The following PCDH15 variants were observed in gnomAD, a reference collection of about 807,000 sequenced individuals.
The protein encoded by PCDH15 is protocadherin related 15.
A neutral mutation model predicts 178.5 loss-of-function variants in PCDH15; 129 were observed. The observed-to-expected ratio is 0.72, with a 90% confidence interval of 0.63 to 0.84. The LOEUF (loss-of-function observed/expected upper bound fraction) is 0.84. Among genes scored for constraint, PCDH15 ranks in the 40% least tolerant of loss-of-function variants. PCDH15 has a pLI of 0.00. For synonymous variants in PCDH15, 800 were observed against 732.0 expected, an observed-to-expected ratio of 1.09 and a Z score of -1.50; for missense variants, 2,230 against 2,099.9, an observed-to-expected ratio of 1.06 and a Z score of -1.21.
intron 2 of PCDH15, among the ~76,000 whole-genome samples, chr10:55,583,810 CATATA>C (rs1278399787): frequency 2.0e-5 from 3 of 151,994 alleles, no homozygotes; most frequent in Non-Finnish European, 2.9e-5. Context: ...TTTTATAAAA[CATATA>C]ATATAAAAAG....
chr10:55,434,401 T>C (rs1002717096), intron 2 of PCDH15, among the ~76,000 whole-genome samples: 3 of 152,084 alleles, frequency 2.0e-5, no homozygotes. Flanking sequence ...CTTGGCTAAT[T>C]ATATCTCCAT....
In PCDH15 at chr10:54,725,552, T is replaced by TTA. The variant is rs35808465; in HGVS notation, c.-28-61264_-28-61263dup. Among the ~76,000 whole-genome samples, 976 of 114,874 alleles carry TTA rather than the reference T, an allele frequency of 8.5e-3. 42 individuals are homozygous for TTA. The highest frequency in any genetic ancestry group is 0.012 in the Non-Finnish European group (640 of 53,434). 75.4% of individuals were successfully genotyped at this position (114,874 alleles called of 152,430 possible). ...TATATAAATATAATTATATATATAA[T>TTA]TATATATATATATAATTGGAAACTC... On this transcript the variant is annotated intron_variant, in intron 1 of 37. Coordinates refer to ENST00000644397, the MANE Select transcript of PCDH15 (RefSeq NM_001384140.1).
chr10:55,164,761 T>C (rs1839153960), intron 2 of PCDH15, among the ~76,000 whole-genome samples: 1 of 152,112 alleles, frequency 6.6e-6, no homozygotes, highest in South Asian at 2.1e-4. Context: ...GACTACCATT[T>C]TACACCTCTG....
intron 3 of PCDH15, among the ~76,000 whole-genome samples, chr10:54,527,446 T>C (rs775515398): frequency 2.1e-4 from 32 of 152,124 alleles, no homozygotes; most frequent in Non-Finnish European, 3.8e-4. Flanking sequence ...AAGTTAGCAA[T>C]GTAAGGCTTA....
At position 54,691,370 on chromosome 10, in the gene PCDH15, G is replaced by A. The variant is rs930715291; in HGVS notation, c.-28-27080C>T. Among the ~76,000 whole-genome samples the A allele has an allele frequency of 5.3e-4, 81 of 152,076 alleles. 1 individual carries two copies. The highest frequency in any genetic ancestry group is 1.9e-3 in the African/African-American group (79 of 41,510). ...TCTCAAACCAAGAAATTCTCCTGAA[G>A]CAATCTTTCAGCTGTAAACCACCTC... On this transcript the variant is annotated intron_variant, in intron 1 of 37. Coordinates refer to ENST00000644397, the MANE Select transcript of PCDH15 (RefSeq NM_001384140.1).
At chr10:55,252,362 T>G (rs1389702289) in intron 1 of PCDH15, among the ~76,000 whole-genome samples, 1 of 152,160 alleles carries the variant, frequency 6.6e-6, no homozygotes, top group Non-Finnish European at 1.5e-5. Context: ...GTCTGTGCCC[T>G]AGATGTAATC....
chr10:55,290,053 G>A (rs1273836133), intron 1 of PCDH15, among the ~76,000 whole-genome samples: 1 of 151,622 alleles, frequency 6.6e-6, no homozygotes, highest in Non-Finnish European at 1.5e-5. Flanking sequence ...CTCCAGAACT[G>A]TAATAAATAA....
chr10:53,842,204 C>A (rs968261903), intron 28 of PCDH15, among the ~76,000 whole-genome samples: 2 of 152,092 alleles, frequency 1.3e-5, no homozygotes, highest in Non-Finnish European at 2.9e-5. Flanking sequence ...ATTTCCTTTG[C>A]CTTTCAATTG....
chr10:53,830,245 T>G (rs2076939721), intron 30 of PCDH15, among the ~76,000 whole-genome samples: 1 of 150,504 alleles, frequency 6.6e-6, no homozygotes, highest in Non-Finnish European at 1.5e-5. Flanking sequence ...GAGGTTGCAG[T>G]GAGCTGAGAT....
At chr10:54,219,374 A>G (rs989295920) in intron 9 of PCDH15, among the ~76,000 whole-genome samples, 13 of 150,926 alleles carry the variant, frequency 8.6e-5, no homozygotes, top group Non-Finnish European at 1.9e-4. Flanking sequence ...GCAGATCACC[A>G]GGTCAGGAGA....
rs191250879 is a variant in PCDH15 at position 54,650,895 on chromosome 10, G to A, written c.91+13277C>T. Among the ~76,000 whole-genome samples, 956 of 152,272 alleles carry A rather than the reference G, an allele frequency of 6.3e-3. 5 individuals are homozygous for A. Among genetic ancestry groups the A allele is most frequent in the Middle Eastern group, 0.014 (4 of 294 alleles). ...GGGAATTATGGGAGCTAAAATTCAA[G>A]ATGATATTTGGGTGAGGACACAGCC... On this transcript the variant is annotated intron_variant, in intron 2 of 37. Coordinates refer to ENST00000644397, the MANE Select transcript of PCDH15 (RefSeq NM_001384140.1).
chr10:55,184,019 C>G (rs1023673935), intron 1 of PCDH15, among the ~76,000 whole-genome samples: 1 of 151,902 alleles, frequency 6.6e-6, no homozygotes, highest in African/African-American at 2.4e-5. Flanking sequence ...GTTTACCTCT[C>G]TTTTTCTGAT....
At chr10:54,903,569 TG>T (rs1256152942) in intron 2 of PCDH15, among the ~76,000 whole-genome samples, 15 of 147,382 alleles carry the variant, frequency 1.0e-4, no homozygotes, top group East Asian at 2.1e-4. Context: ...TTTTTTGCCA[TG>T]TTTTTTTTTT....
At position 53,881,989 on chromosome 10, in the gene PCDH15, C is replaced by CT. The variant is rs5785025; in HGVS notation, c.3502-15133dup. On this transcript the variant is annotated intron_variant, in intron 26 of 37. Coordinates refer to ENST00000644397, the MANE Select transcript of PCDH15 (RefSeq NM_001384140.1). ...GTTAATATTATGAATTGCCCACTTG[C>CT]TTTTTTTTTTTTTTTTTTAACATGG... 6.8e-3 allele frequency among the ~76,000 whole-genome samples: 941 copies of CT among 138,170 alleles called. 11 individuals carry two copies. Among genetic ancestry groups the CT allele is most frequent in the African/African-American group, 0.022 (821 of 37,266 alleles). The allele number at this position is 138,170 out of a possible 152,430, so 90.6% of individuals were successfully genotyped here.
chr10:55,249,545 G>A (rs190749426), intron 1 of PCDH15, among the ~76,000 whole-genome samples: 1 of 152,162 alleles, frequency 6.6e-6, no homozygotes, highest in East Asian at 1.9e-4. Context: ...CAAAGACCCA[G>A]TAAAAAAGGG....
intron 3 of PCDH15, among the ~76,000 whole-genome samples, chr10:54,503,528 A>T (rs1372599589): frequency 1.3e-5 from 2 of 150,918 alleles, no homozygotes; most frequent in Non-Finnish European, 3.0e-5. Flanking sequence ...TAAAAAAAAA[A>T]CTTGAAAGCT....
At chr10:55,464,664 G>T (rs1323656422) in intron 2 of PCDH15, among the ~76,000 whole-genome samples, 1 of 146,712 alleles carries the variant, frequency 6.8e-6, no homozygotes, top group Non-Finnish European at 1.5e-5. Context: ...ATGTGTGTGT[G>T]TGTGTATATA....
At chr10:54,840,167 C>T (rs1953393562) in intron 3 of PCDH15, among the ~76,000 whole-genome samples, 1 of 151,930 alleles carries the variant, frequency 6.6e-6, no homozygotes, top group South Asian at 2.1e-4. Flanking sequence ...TACTCTAATA[C>T]TATAATGACC....
At chr10:55,161,077 C>T (rs987798064) in intron 2 of PCDH15, among the ~76,000 whole-genome samples, 4 of 152,116 alleles carry the variant, frequency 2.6e-5, no homozygotes, top group Non-Finnish European at 5.9e-5. Context: ...GACCATAGAG[C>T]TCGTTCCCTG....
Sources: allele counts gnomAD v4.1 joint callset (sites outside exome capture counted in the v4.1 genomes callset), GRCh38; gene constraint gnomAD v4.1.1; transcripts MANE v1.5; gene names NCBI Gene and HGNC (gene_info 2026-07-23, HGNC 2026-07-21).